IFT140: variants seen among roughly 807,000 people sequenced by gnomAD.
IFT140 encodes the protein intraflagellar transport protein 140 homolog.
A neutral mutation model predicts 164.6 loss-of-function variants in IFT140; 133 were observed. The observed-to-expected ratio is 0.81, with a 90% CI of 0.70 to 0.93. The LOEUF is 0.93. Among genes scored for constraint, IFT140 ranks in the 40% least tolerant of loss-of-function variants. The probability of loss-of-function intolerance (pLI) is 0.00; values close to 1 mark genes in which losing one functional copy is unlikely to be tolerated. For missense variants in IFT140, 2,045 were observed against 1,972.3 expected (o/e 1.04, Z -0.70); for synonymous variants, 860 against 817.3 (o/e 1.05, Z -0.89).
Position 1,607,874 on chromosome 16 carries a change from G to T in IFT140, c.-31-577C>A, listed in dbSNP as rs1032694247. Among the ~76,000 whole-genome samples the T allele has an allele frequency of 2.6e-5, 4 of 152,292 alleles. No individual in the cohort carries two copies. In the South Asian group the frequency reaches 8.3e-4, roughly 32 times the overall value. On this transcript the variant is annotated intron_variant, in intron 2 of 30. Coordinates refer to ENST00000426508, the MANE Select transcript of IFT140 (RefSeq NM_014714.4). ...TTGCCCAGGCTGGTCTTGAACCCCTGGCTCAGGTAATCCTCCTGCCTTGGC... is the reference window on the plus strand; with the variant it reads ...TTGCCCAGGCTGGTCTTGAACCCCTTGCTCAGGTAATCCTCCTGCCTTGGC...
intron 29 of IFT140, among the ~76,000 whole-genome samples, chr16:1,519,378 G>A (rs2040452933): frequency 6.6e-6 from 1 of 152,194 alleles, no homozygotes; most frequent in Admixed American, 6.5e-5. Context: ...TAAAGATGGG[G>A]AGGTGTTCAA....
chr16:1,518,234 C>T lies in IFT140; in HGVS notation c.4164G>A (p.Arg1388=), dbSNP rs565578489. 8 of 1,613,754 alleles carry T rather than the reference C, an allele frequency of 5.0e-6. No homozygotes were observed. The highest frequency in any genetic ancestry group is 4.4e-5 in the South Asian group (4 of 91,056). The change falls in exon 30 of 31, where the codon CGG becomes CGA. Residue 1388 remains arginine, a synonymous_variant. Coordinates refer to ENST00000426508, the MANE Select transcript of IFT140 (RefSeq NM_014714.4). The part of the protein sequence containing the change: ...VYGFLVEHYV[R]KEEYQTAYRF... ...GCCTCACCGTCTGGTATTCCTCCTTCCGCACGTAGTGCTCCACCAGGAAGC... is the reference window on the plus strand; with the variant it reads ...GCCTCACCGTCTGGTATTCCTCCTTTCGCACGTAGTGCTCCACCAGGAAGC...
rs79569684 is a variant in IFT140 at position 1,511,585 on chromosome 16, T to A, written c.4183-435A>T. On this transcript the variant is annotated intron_variant, in intron 30 of 30. Coordinates refer to ENST00000426508, the MANE Select transcript of IFT140 (RefSeq NM_014714.4). Reference sequence around the variant, plus strand: ...ATATCTACTGGTTTGGCTTGGGTATTTTTTTTTTTTGAGATGGAGTCTCAG... The same window carrying A: ...ATATCTACTGGTTTGGCTTGGGTATATTTTTTTTTTGAGATGGAGTCTCAG... 9.7e-3 allele frequency among the ~76,000 whole-genome samples: 1,442 copies of A among 148,270 alleles called. 8 individuals carry two copies. Among genetic ancestry groups the A allele is most frequent in the Non-Finnish European group, 0.014 (958 of 66,640 alleles).
chr16:1,565,047 G>C (rs1437853462), intron 16 of IFT140, among the ~76,000 whole-genome samples: 1 of 152,230 alleles, frequency 6.6e-6, no homozygotes, highest in Non-Finnish European at 1.5e-5. Context: ...TACGGGACGG[G>C]AACGGACAGA....
chr16:1,605,659 C>T (rs1056744979), intron 3 of IFT140, among the ~76,000 whole-genome samples: 2 of 152,168 alleles, frequency 1.3e-5, no homozygotes, highest in Non-Finnish European at 2.9e-5. Flanking sequence ...CCACCCCGGC[C>T]TCCCAAAGTG....
intron 4 of IFT140, among the ~76,000 whole-genome samples, chr16:1,594,697 G>A (rs1013088871): frequency 6.6e-6 from 1 of 152,254 alleles, no homozygotes; most frequent in Non-Finnish European, 1.5e-5. Context: ...AGTTCGGGAA[G>A]GGGAGGACGG....
intron 4 of IFT140, chr16:1,602,134 C>G (rs2035824961): frequency 1.8e-6 from 1 of 551,762 alleles, no homozygotes; most frequent in South Asian, 2.1e-5. Flanking sequence ...GGGCACGTAT[C>G]TTTACGAATG....
At chr16:1,581,369 G>A (rs1313225655) in intron 12 of IFT140, among the ~76,000 whole-genome samples, 4 of 152,156 alleles carry the variant, frequency 2.6e-5, no homozygotes, top group Non-Finnish European at 5.9e-5. Context: ...GGAGGCTGAA[G>A]CAGGTGGATC....
At position 1,524,926 on chromosome 16, in the gene IFT140, G is replaced by T; in HGVS notation, c.2865-10C>A. The T allele has an allele frequency of 1.3e-6, 2 of 1,597,360 alleles. No individual in the cohort carries two copies. On this transcript the variant is annotated splice_polypyrimidine_tract_variant and intron_variant, in intron 22 of 30. Transcript: ENST00000426508. ...CCACCGCCACAGGGTCCTGCGGGCA[G>T]CCCAAGACCATGGATTCTCCACCCG...
At position 1,580,776 on chromosome 16, in the gene IFT140, G is replaced by C. The variant is rs1426179709; in HGVS notation, c.1507C>G (p.Gln503Glu). 1.9e-6 allele frequency: 3 copies of C among 1,613,442 alleles called. No individual in the cohort carries two copies. The highest frequency in any genetic ancestry group is 1.6e-4 in the Middle Eastern group (1 of 6,082). The change falls in exon 13 of 31, where the codon CAA (glutamine) becomes GAA (glutamate). Residue 503 changes from glutamine to glutamate, a missense_variant. Coordinates refer to ENST00000426508, the MANE Select transcript of IFT140 (RefSeq NM_014714.4). ...NVYTVESNRV[Q>E]VRTWQGTVKQ... ...CAACTTACCTGCCAGGTTCGAACTT[G>C]AACTCGGTTTGACTCCACCGTGTAA... is the stretch of plus-strand genomic sequence containing the variant.
intron 30 of IFT140, among the ~76,000 whole-genome samples, chr16:1,516,367 A>C (rs2040344325): frequency 6.6e-6 from 1 of 152,118 alleles, no homozygotes; most frequent in African/African-American, 2.4e-5. Context: ...CTACCTGCTA[A>C]CTCTAGTGTG....
intron 14 of IFT140, among the ~76,000 whole-genome samples, chr16:1,568,554 C>T (rs944846521): frequency 1.3e-5 from 2 of 152,196 alleles, no homozygotes; most frequent in Non-Finnish European, 2.9e-5. Context: ...ATGAGTGCTT[C>T]GTCCCCTTCC....
At chr16:1,546,813 C>A (rs1030067963) in intron 19 of IFT140, among the ~76,000 whole-genome samples, 1 of 152,254 alleles carries the variant, frequency 6.6e-6, no homozygotes, top group African/African-American at 2.4e-5. Flanking sequence ...AGCAGCCCTG[C>A]AGAGCTCTGT....
intron 3 of IFT140, among the ~76,000 whole-genome samples, chr16:1,605,733 A>C (rs117019959): frequency 3.9e-5 from 6 of 152,224 alleles, no homozygotes; most frequent in Non-Finnish European, 5.9e-5. Flanking sequence ...TATGAGGTGC[A>C]CTGGGCACCG....
At chr16:1,574,809 T>C (rs1452729586) in intron 13 of IFT140, among the ~76,000 whole-genome samples, 1 of 152,110 alleles carries the variant, frequency 6.6e-6, no homozygotes, top group African/African-American at 2.4e-5. Context: ...TGTGACTCCC[T>C]GAAACATACG....
At position 1,515,049 on chromosome 16, in the gene IFT140, G is replaced by C. The variant is rs1417004739; in HGVS notation, c.4182+3167C>G. On this transcript the variant is annotated intron_variant, in intron 30 of 30. Transcript: ENST00000426508. ...TAGATAAATACAAATTAATCCAAAG[G>C]ACAGAAAAAAAGAAAATAATGAGCA... is the stretch of plus-strand genomic sequence containing the variant. Among the ~76,000 whole-genome samples, 4 of 151,788 alleles carry C rather than the reference G, an allele frequency of 2.6e-5. No individual in the cohort carries two copies. In the East Asian group the frequency reaches 7.7e-4, roughly 29 times the overall value.
chr16:1,557,801 A>C, intron 19 of IFT140, 134 bp downstream of exon 19: 1 of 858,036 alleles, frequency 1.2e-6, no homozygotes, highest in Non-Finnish European at 1.9e-6. Context: ...GAGTGGGAAG[A>C]CCATGAAATA....
At chr16:1,540,335 T>C (rs2031511659) in intron 19 of IFT140, among the ~76,000 whole-genome samples, 1 of 152,266 alleles carries the variant, frequency 6.6e-6, no homozygotes, top group African/African-American at 2.4e-5. Flanking sequence ...TTCCAACGGA[T>C]ACTTCTAACC....
rs1439068927 is a variant in IFT140 at position 1,531,053 on chromosome 16, G to C, written c.2400-4257C>G. The C allele has an allele frequency of 1.3e-5, 2 of 152,404 alleles. No individual in the cohort carries two copies. The highest frequency in any genetic ancestry group is 4.8e-5 in the African/African-American group (2 of 41,472). 9.4% of individuals were successfully genotyped at this position (152,404 alleles called of 1,614,324 possible). ...TCCTTCCACAGCCAGCCTCCTGCTC[G>C]AGGGCACCAGCCCCGCGTGATTCCC... is the stretch of plus-strand genomic sequence containing the variant. On this transcript the variant is annotated intron_variant, in intron 19 of 30. Transcript: ENST00000426508. The surrounding 1 kb of genome is among the most constrained non-coding windows in gnomAD (Gnocchi z 4.7).
Sources: allele counts gnomAD v4.1 joint callset (sites outside exome capture counted in the v4.1 genomes callset), GRCh38; gene constraint gnomAD v4.1.1; non-coding constraint Gnocchi (gnomAD v3.1); transcripts MANE v1.5; gene names NCBI Gene and HGNC (gene_info 2026-07-23, HGNC 2026-07-21).